ATP2A3: variants seen among roughly 807,000 people sequenced by gnomAD.
The protein encoded by ATP2A3 is ATPase sarcoplasmic/endoplasmic reticulum Ca2+ transporting 3.
In ATP2A3, 61 loss-of-function variants were observed where a neutral mutation model predicts 106.8. That is an observed-to-expected ratio of 0.57 (90% CI 0.46 to 0.71). The LOEUF (loss-of-function observed/expected upper bound fraction) is 0.71, where lower values mean the gene tolerates loss of function less well. Ranked by LOEUF, ATP2A3 falls within the 30% of genes least tolerant of loss-of-function variation. ATP2A3 has a pLI of 0.00. For synonymous variants in ATP2A3, 611 were observed against 609.3 expected (o/e 1.00, Z -0.04); for missense variants, 1,201 against 1,423.5 (o/e 0.84, Z 2.52).
intron 1 of ATP2A3, among the ~76,000 whole-genome samples, chr17:3,958,753 TATATAC>T (rs2054937032): frequency 6.8e-6 from 1 of 146,332 alleles, no homozygotes; most frequent in Non-Finnish European, 1.5e-5. Context: ...GACACACATA[TATATAC>T]ACACACATAT....
chr17:3,940,530 C>T (rs139238212), intron 14 of ATP2A3, among the ~76,000 whole-genome samples: 29 of 152,234 alleles, frequency 1.9e-4, no homozygotes, highest in African/African-American at 7.0e-4. Flanking sequence ...TATTTTGAGA[C>T]GAAGTCTCAC....
rs2053011100 is a variant in ATP2A3, at chr17:3,930,504, G to A, written c.2611-70C>T. ...GGGGCTGGTGGGTGGGAGGAGGGAA[G>A]CCTCATCCTGCCCTTGGCCCACGCC... is the stretch of plus-strand genomic sequence containing the variant. On this transcript the variant is annotated intron_variant, in intron 17 of 20. Coordinates refer to ENST00000397041, the MANE Select transcript of ATP2A3 (RefSeq NM_005173.4). This position sits in a 1 kb window ranked among gnomAD's most constrained non-coding sequence, Gnocchi z 5.4. 1 of 1,580,412 alleles carries A rather than the reference G, an allele frequency of 6.3e-7. No individual in the cohort carries two copies.
At chr17:3,951,926 C>T (rs1318025010) in intron 3 of ATP2A3, among the ~76,000 whole-genome samples, 5 of 152,138 alleles carry the variant, frequency 3.3e-5, no homozygotes, top group African/African-American at 4.8e-5. Context: ...GGCTGCCCAC[C>T]GAGGCCTTAC....
At position 3,951,562 on chromosome 17, in the gene ATP2A3, C is replaced by G; in HGVS notation, c.324+19G>C. 2.0e-6 allele frequency: 3 copies of G among 1,486,958 alleles called. No individual in the cohort carries two copies. Among genetic ancestry groups the G allele is most frequent in the African/African-American group, 1.4e-5 (1 of 70,886 alleles). 92.1% of individuals were successfully genotyped at this position (1,486,958 alleles called of 1,614,324 possible). A position where few individuals can be genotyped will look rare whatever the true frequency, so the allele number is the denominator to read the frequency against. ...TGGGAGACCGCCCCCCGCCCGGTCC[C>G]ACCCCCAGTGCCTCCCACCTGCCAC... On this transcript the variant is annotated intron_variant, in intron 4 of 20. Transcript: ENST00000397041.
In ATP2A3 at chr17:3,930,291, C is replaced by T. The variant is rs374825886; in HGVS notation, c.2744+10G>A. On this transcript the variant is annotated intron_variant, in intron 18 of 20. Coordinates refer to ENST00000397041, the MANE Select transcript of ATP2A3 (RefSeq NM_005173.4). This position sits in a 1 kb window ranked among gnomAD's most constrained non-coding sequence, Gnocchi z 5.4. ...CTCGGCCCCAGCTCCAGGCCCTGCGCCCAGCCTACCTGTTGAGGGCATTGC... is the reference window on the plus strand; with the variant it reads ...CTCGGCCCCAGCTCCAGGCCCTGCGTCCAGCCTACCTGTTGAGGGCATTGC... 3.2e-6 allele frequency: 5 copies of T among 1,568,914 alleles called. No homozygotes were observed. The highest frequency in any genetic ancestry group is 4.3e-6 in the Non-Finnish European group (5 of 1,156,820).
At chr17:3,950,211 G>A (rs962119681) in intron 7 of ATP2A3, among the ~76,000 whole-genome samples, 1 of 150,904 alleles carries the variant, frequency 6.6e-6, no homozygotes, top group Admixed American at 6.6e-5. Flanking sequence ...ACCCAGGCTG[G>A]AGTGCAGTGG....
intron 1 of ATP2A3, among the ~76,000 whole-genome samples, chr17:3,960,748 A>T (rs1368115804): frequency 1.3e-5 from 2 of 152,208 alleles, no homozygotes; most frequent in African/African-American, 4.8e-5. Context: ...CTGGCGAGGC[A>T]GCAGAGAACC....
At chr17:3,963,758 T>C (rs1009549311) in intron 1 of ATP2A3, among the ~76,000 whole-genome samples, 2 of 152,168 alleles carry the variant, frequency 1.3e-5, no homozygotes, top group Non-Finnish European at 2.9e-5. Flanking sequence ...TGGGGCCAGC[T>C]GGGAGGCCGA....
At position 3,941,421 on chromosome 17, in the gene ATP2A3, G is replaced by A. The variant is rs371799212; in HGVS notation, c.1764+15C>T. 93 of 1,613,678 alleles carry A rather than the reference G, an allele frequency of 5.8e-5. No individual in the cohort carries two copies. Among genetic ancestry groups the A allele is most frequent in the Admixed American group, 8.3e-5 (5 of 59,964 alleles). Reference sequence around the variant, plus strand: ...CCCACCTCGTACTGCAGGGAGAATCGGCTCCTGCACCCACCTCGTACTGCA... The same window carrying A: ...CCCACCTCGTACTGCAGGGAGAATCAGCTCCTGCACCCACCTCGTACTGCA... On this transcript the variant is annotated intron_variant, in intron 13 of 20. Transcript: ENST00000397041.
In ATP2A3 at chr17:3,947,313, G is replaced by C. The variant is rs2054166470; in HGVS notation, c.1095+78C>G. On this transcript the variant is annotated intron_variant, in intron 8 of 20. Coordinates refer to ENST00000397041, the MANE Select transcript of ATP2A3 (RefSeq NM_005173.4). The surrounding 1 kb of genome is among the most constrained non-coding windows in gnomAD (Gnocchi z 7.7). ...TCTCTCCTCCATCCCTCACTGAAAA[G>C]GAGGTGGGGGAGAGACCCAGAGAGG... is the stretch of plus-strand genomic sequence containing the variant. 6.6e-7 allele frequency: 1 copy of C among 1,523,126 alleles called. No individual in the cohort carries two copies. The allele number at this position is 1,523,126 out of a possible 1,614,324, so 94.4% of individuals were successfully genotyped here.
chr17:3,932,412 GGGCTTACA>G (rs1383800152), intron 17 of ATP2A3, among the ~76,000 whole-genome samples: 6 of 151,662 alleles, frequency 4.0e-5, no homozygotes, highest in African/African-American at 1.2e-4. Flanking sequence ...CCAAAGTGCT[GGGCTTACA>G]GGCGTGAGCC....
chr17:3,954,975 A>G (rs753765884), intron 1 of ATP2A3, among the ~76,000 whole-genome samples: 1 of 152,204 alleles, frequency 6.6e-6, no homozygotes, highest in Non-Finnish European at 1.5e-5. Context: ...TGGCTTGGGC[A>G]AGGCCACACA....
intron 11 of ATP2A3, among the ~76,000 whole-genome samples, chr17:3,943,050 G>A (rs2053873004): frequency 6.6e-6 from 1 of 152,144 alleles, no homozygotes; most frequent in Admixed American, 6.5e-5. Flanking sequence ...CACTCTGGGA[G>A]GCCAAGGCAG....
In ATP2A3 at chr17:3,928,546, C is replaced by T; in HGVS notation, c.2980+117G>A. On this transcript the variant is annotated intron_variant, in intron 20 of 20. Transcript: ENST00000397041. The surrounding 1 kb of genome is among the most constrained non-coding windows in gnomAD (Gnocchi z 6.1). ...CCCTCCACTTGGTGATCCGAGAACG[C>T]CTCCCCGATGTGCAGACAGAGAGGC... The T allele has an allele frequency of 9.4e-7, 1 of 1,065,938 alleles. No individual in the cohort carries two copies. Among genetic ancestry groups the T allele is most frequent in the South Asian group, 1.4e-5 (1 of 73,228 alleles). The allele number at this position is 1,065,938 out of a possible 1,614,324, so 66.0% of individuals were successfully genotyped here.
Position 3,947,723 on chromosome 17 carries a change from C to T in ATP2A3, c.763G>A (p.Glu255Lys), listed in dbSNP as rs1030060199. The change falls in exon 8 of 21, where the codon GAG becomes AAG. Residue 255 changes from glutamate (E) to lysine (K), a missense_variant. Physicochemically the swap from Glu to Lys is moderately conservative, Grantham distance 56. Transcript: ENST00000397041. This position sits in a 1 kb window ranked among gnomAD's most constrained non-coding sequence, Gnocchi z 7.7. ...GCGTGGGACAGCTGCCGTCCAAACT[C>T]GTCCAGCTTGCGCTGCAGCGGCGTC... ...ERTPLQRKLD[E>K]FGRQLSHAIS... 8.7e-6 allele frequency: 14 copies of T among 1,610,394 alleles called. No homozygotes were observed. Among genetic ancestry groups the T allele is most frequent in the African/African-American group, 2.7e-5 (2 of 74,942 alleles).
intron 8 of ATP2A3, among the ~76,000 whole-genome samples, chr17:3,945,916 G>C (rs551269312): frequency 1.3e-5 from 2 of 152,170 alleles, no homozygotes; most frequent in East Asian, 1.9e-4. Context: ...CATCCAGCAC[G>C]TAAGGCCCCT....
chr17:3,939,786 T>TTAAAAAAAAAAAAAAA (rs1555558101), intron 14 of ATP2A3, among the ~76,000 whole-genome samples: 4 of 50,526 alleles, frequency 7.9e-5, no homozygotes, highest in South Asian at 8.1e-4. Flanking sequence ...AGACTCTGTC[T>TTAAAAAAAAAAAAAAA]AAAAAAAAAA....
chr17:3,951,644 G>A lies in ATP2A3; in HGVS notation c.261C>T (p.Ala87=), dbSNP rs780364490. ...GCATGATGACCAGGGGCTCCACGAA[G>A]GCGGTCGTGGTCTCCTCGCCCTCCT... ...WFEEGEETTT[A]FVEPLVIMLI... Residue 87 remains alanine (A), a synonymous_variant, in exon 4 of 21, where the codon GCC becomes GCT. Transcript: ENST00000397041. The A allele has an allele frequency of 3.2e-5, 51 of 1,597,654 alleles. No homozygotes were observed. In the Middle Eastern group the frequency reaches 5.0e-4, roughly 16 times the overall value.
Position 3,944,710 on chromosome 17 carries a change from G to T in ATP2A3, c.1281C>A (p.Tyr427Ter). The T allele has an allele frequency of 6.2e-7, 1 of 1,613,170 alleles. No homozygotes were observed. The highest frequency in any genetic ancestry group is 2.2e-5 in the East Asian group (1 of 44,876). The change falls in exon 10 of 21, where the codon TAC becomes TAA. Residue 427 changes from tyrosine (Y) to a stop codon, truncating the protein, a stop_gained. Coordinates refer to ENST00000397041, the MANE Select transcript of ATP2A3 (RefSeq NM_005173.4). LOFTEE classifies it high-confidence loss of function. The part of the protein sequence containing the change: ...CALCNDSALD[Y>*]NEAKGVYEKV... ...GAAAGGGGGTGAGGCCCACCTCGTT[G>T]TAGTCCAGAGCCGAGTCGTTGCACA...
Sources: allele counts gnomAD v4.1 joint callset (sites outside exome capture counted in the v4.1 genomes callset), GRCh38; gene constraint gnomAD v4.1.1; non-coding constraint Gnocchi (gnomAD v3.1); transcripts MANE v1.5; gene names NCBI Gene and HGNC (gene_info 2026-07-23, HGNC 2026-07-21).